Variants in DLGAP1 observed in about 807,000 individuals in gnomAD.
DLGAP1 encodes disks large-associated protein 1.
A neutral mutation model predicts 90.8 loss-of-function variants in DLGAP1; 11 were observed. That is an observed-to-expected ratio of 0.12 (90% confidence interval 0.08 to 0.20). The LOEUF (loss-of-function observed/expected upper bound fraction) is 0.20, where lower values mean the gene tolerates loss of function less well. Ranked by LOEUF, DLGAP1 falls within the 10% of genes least tolerant of loss-of-function variation. DLGAP1 has a pLI of 1.00. For synonymous variants in DLGAP1, 558 were observed against 540.7 expected, an observed-to-expected ratio of 1.03 and a Z score of -0.44; for missense variants, 1,050 against 1,333.8, an observed-to-expected ratio of 0.79 and a Z score of 3.31.
intron 1 of DLGAP1, among the ~76,000 whole-genome samples, chr18:4,188,063 A>C (rs1442493101): frequency 6.6e-6 from 1 of 152,064 alleles, no homozygotes; most frequent in African/African-American, 2.4e-5. Flanking sequence ...TTTAAGAAAA[A>C]ATTCTATAAC....
intron 1 of DLGAP1, among the ~76,000 whole-genome samples, chr18:4,227,225 A>G (rs1216207974): frequency 6.6e-6 from 1 of 152,068 alleles, no homozygotes; most frequent in East Asian, 1.9e-4. Context: ...TTAGACTTAA[A>G]GAGAGAGGTA....
In DLGAP1 at chr18:4,203,794, C is replaced by T. The variant is rs189714705; in HGVS notation, c.-266-52507G>A. 6.9e-4 allele frequency among the ~76,000 whole-genome samples: 105 copies of T among 152,262 alleles called. 1 individual carries two copies. Among genetic ancestry groups the T allele is most frequent in the African/African-American group, 2.3e-3 (97 of 41,558 alleles). ...AGGTCAGTGGAAATGCAGAAATATA[C>T]ACATCTAATTACAGCACAACTCAGT... On this transcript the variant is annotated intron_variant, in intron 1 of 12. Coordinates refer to ENST00000315677, the MANE Select transcript of DLGAP1 (RefSeq NM_004746.4).
chr18:3,757,799 G>A lies in DLGAP1; in HGVS notation c.1173-15287C>T, dbSNP rs1436873811. ...AGCAGGGAATATCACACTTAATGGT[G>A]GAAGACTGAAGGCTTTTTCTATAAG... On this transcript the variant is annotated intron_variant, in intron 5 of 12. Transcript: ENST00000315677. 6.6e-5 allele frequency among the ~76,000 whole-genome samples: 10 copies of A among 152,270 alleles called. No individual in the cohort carries two copies. The East Asian group carries it at 1.9e-3, about 29-fold the overall frequency.
Position 4,084,781 on chromosome 18 carries a change from A to G in DLGAP1, c.-159+66399T>C, listed in dbSNP as rs9956553. Among the ~76,000 whole-genome samples, 47,320 of 152,072 alleles carry G rather than the reference A, an allele frequency of 0.31. 7,514 individuals carry two copies. Among genetic ancestry groups the G allele is most frequent in the East Asian group, 0.34 (1,783 of 5,178 alleles). On this transcript the variant is annotated intron_variant, in intron 2 of 12. Transcript: ENST00000315677. This position sits in a 1 kb window ranked among gnomAD's most constrained non-coding sequence, Gnocchi z 4.0. ...TCCCATGTCATGCAACACTTATTAA[A>G]TATATTAGCATGCTTTTCTCCTATC...
rs2073038792 is a variant in DLGAP1, at chr18:3,954,041, T to C, written c.-73+51075A>G. ...CATTACTGTTATAAGGAATATTTCA[T>C]CACTTGCTTTTAATATTAGGTAAAT... On this transcript the variant is annotated intron_variant, in intron 3 of 12. Transcript: ENST00000315677. 7.9e-5 allele frequency among the ~76,000 whole-genome samples: 12 copies of C among 152,348 alleles called. No individual in the cohort carries two copies. The South Asian group carries it at 2.5e-3, about 32-fold the overall frequency.
intron 4 of DLGAP1, among the ~76,000 whole-genome samples, chr18:3,834,589 T>C (rs1568213165): frequency 1.3e-5 from 2 of 152,190 alleles, no homozygotes; most frequent in Non-Finnish European, 1.5e-5. Flanking sequence ...TAATCAAATA[T>C]ATGTACATAG....
At chr18:4,276,191 C>A (rs1480943933) in intron 1 of DLGAP1, among the ~76,000 whole-genome samples, 1 of 144,810 alleles carries the variant, frequency 6.9e-6, no homozygotes, top group Admixed American at 6.9e-5. Context: ...TTTTTTAATG[C>A]AGGGCAGGAG....
intron 2 of DLGAP1, among the ~76,000 whole-genome samples, chr18:4,111,509 T>C (rs190434738): frequency 1.4e-3 from 213 of 152,338 alleles, no homozygotes; most frequent in Non-Finnish European, 2.4e-3. Context: ...TCATTCTTCA[T>C]AATAAAATTT....
intron 2 of DLGAP1, among the ~76,000 whole-genome samples, chr18:4,007,885 G>T (rs2074335962): frequency 6.6e-6 from 1 of 152,084 alleles, no homozygotes; most frequent in Non-Finnish European, 1.5e-5. Context: ...GTTATCTTGA[G>T]ATTTCTTTCT....
At chr18:4,105,988 C>T (rs1298858717) in intron 2 of DLGAP1, among the ~76,000 whole-genome samples, 3 of 141,946 alleles carry the variant, frequency 2.1e-5, no homozygotes, top group Non-Finnish European at 4.5e-5. Flanking sequence ...ACCGAGATCG[C>T]GCCACTGCAC....
chr18:3,626,799 G>A (rs564143309), intron 7 of DLGAP1, among the ~76,000 whole-genome samples: 2 of 151,838 alleles, frequency 1.3e-5, no homozygotes, highest in Non-Finnish European at 2.9e-5. Flanking sequence ...TCGGGAGGCT[G>A]AGGCAGGAGA....
intron 1 of DLGAP1, among the ~76,000 whole-genome samples, chr18:4,176,174 T>C (rs2077104037): frequency 6.6e-6 from 1 of 152,178 alleles, no homozygotes; most frequent in Non-Finnish European, 1.5e-5. Flanking sequence ...TTATTCTCTT[T>C]ATAGTGATTC....
intron 4 of DLGAP1, among the ~76,000 whole-genome samples, chr18:3,870,198 G>A (rs2148792024): frequency 6.6e-6 from 1 of 152,290 alleles, no homozygotes; most frequent in African/African-American, 2.4e-5. Flanking sequence ...GTGGATGCCA[G>A]AGATCCTCAT....
intron 5 of DLGAP1, among the ~76,000 whole-genome samples, chr18:3,747,943 A>G (rs1440666722): frequency 1.3e-5 from 2 of 152,248 alleles, no homozygotes; most frequent in Non-Finnish European, 2.9e-5. Flanking sequence ...CGCTCATTAA[A>G]TAAACACCAA....
At chr18:3,773,105 A>T (rs79771904) in intron 5 of DLGAP1, among the ~76,000 whole-genome samples, 6 of 152,092 alleles carry the variant, frequency 3.9e-5, no homozygotes, top group East Asian at 3.9e-4. Flanking sequence ...GGGACTTAAA[A>T]ATTTTTTTTT....
intron 2 of DLGAP1, among the ~76,000 whole-genome samples, chr18:4,140,123 G>A (rs549601766): frequency 5.9e-5 from 9 of 151,982 alleles, no homozygotes; most frequent in East Asian, 3.9e-4. Context: ...TGATAAGTAA[G>A]GACTTACTCT....
intron 1 of DLGAP1, among the ~76,000 whole-genome samples, chr18:4,343,018 G>C (rs967600346): frequency 2.6e-5 from 4 of 152,016 alleles, no homozygotes; most frequent in African/African-American, 9.7e-5. Context: ...ACTAAGTTTG[G>C]ATTATGGGGC....
chr18:4,229,878 A>C (rs565397240), intron 1 of DLGAP1, among the ~76,000 whole-genome samples: 160 of 152,238 alleles, frequency 1.1e-3, no homozygotes, highest in Middle Eastern at 3.4e-3. Context: ...AAATGTTTGC[A>C]AACTGCCCAT....
At chr18:3,502,046 T>C in intron 12 of DLGAP1, 1 of 563,326 alleles carries the variant, frequency 1.8e-6, no homozygotes, top group Non-Finnish European at 2.3e-6. Flanking sequence ...TCTTTATTAC[T>C]ATATTTATGA....
Sources: allele counts gnomAD v4.1 joint callset (sites outside exome capture counted in the v4.1 genomes callset), GRCh38; gene constraint gnomAD v4.1.1; non-coding constraint Gnocchi (gnomAD v3.1); transcripts MANE v1.5; gene names NCBI Gene and HGNC (gene_info 2026-07-23, HGNC 2026-07-21).